Variants in POGZ observed in about 807,000 individuals in gnomAD.
POGZ encodes the protein pogo transposable element with ZNF domain.
POGZ carries 17 observed loss-of-function variants against 134.6 expected under a neutral mutation model. That is an observed-to-expected ratio of 0.13 (90% CI 0.09 to 0.19). POGZ has a LOEUF of 0.19. Among genes scored for constraint, POGZ ranks in the 10% least tolerant of loss-of-function variants. The pLI is 1.00. For missense variants in POGZ, 1,306 were observed against 1,769.7 expected (o/e 0.74, Z 4.70); for synonymous variants, 693 against 657.1 (o/e 1.05, Z -0.84).
intron 1 of POGZ, among the ~76,000 whole-genome samples, chr1:151,447,326 T>C (rs1485305346): frequency 6.6e-6 from 1 of 151,852 alleles, no homozygotes; most frequent in Non-Finnish European, 1.5e-5. Flanking sequence ...GAACCGAGAT[T>C]GTGCCACTGC....
chr1:151,417,707 C>CAA (rs1427844358), intron 10 of POGZ, among the ~76,000 whole-genome samples: 1 of 150,318 alleles, frequency 6.7e-6, no homozygotes, highest in African/African-American at 2.5e-5. Flanking sequence ...CACACACACA[C>CAA]ACACACACAC....
chr1:151,431,988 G>A (rs930445801), intron 3 of POGZ, among the ~76,000 whole-genome samples: 1 of 152,080 alleles, frequency 6.6e-6, no homozygotes, highest in African/African-American at 2.4e-5. Flanking sequence ...GGCCAACACA[G>A]CAAAACGCTG....
chr1:151,444,249 C>T (rs146664439), intron 1 of POGZ, among the ~76,000 whole-genome samples: 1 of 152,230 alleles, frequency 6.6e-6, no homozygotes, highest in East Asian at 1.9e-4. Context: ...TACTTAAATT[C>T]TCTTATTTTC....
intron 10 of POGZ, among the ~76,000 whole-genome samples, chr1:151,413,885 G>T (rs1411829295): frequency 6.6e-6 from 1 of 152,010 alleles, no homozygotes; most frequent in Non-Finnish European, 1.5e-5. Flanking sequence ...AAAAGCCAGG[G>T]GTTCTTAATC....
intron 7 of POGZ, chr1:151,425,289 C>A: frequency 2.6e-6 from 1 of 386,386 alleles, no homozygotes; most frequent in Non-Finnish European, 4.9e-6. Flanking sequence ...GCAGCCTTGA[C>A]CTCCCTGGGC....
chr1:151,424,848 C>A, intron 8 of POGZ, 107 bp downstream of exon 8: 1 of 650,948 alleles, frequency 1.5e-6, no homozygotes, highest in Non-Finnish European at 2.8e-6. Context: ...AACAGTAACC[C>A]TTTAAAAAGC....
chr1:151,453,617 T>C (rs182069731), intron 1 of POGZ, among the ~76,000 whole-genome samples: 81 of 152,302 alleles, frequency 5.3e-4, no homozygotes, highest in Admixed American at 5.2e-3. Flanking sequence ...CTCTATTTTG[T>C]AGTAATTGTA....
At chr1:151,433,004 A>G (rs749295988) in intron 3 of POGZ, among the ~76,000 whole-genome samples, 1 of 152,214 alleles carries the variant, frequency 6.6e-6, no homozygotes, top group Non-Finnish European at 1.5e-5. Context: ...AATATTGACT[A>G]AGCAAAAGTC....
At chr1:151,434,107 G>A (rs1659187629) in intron 3 of POGZ, among the ~76,000 whole-genome samples, 1 of 152,140 alleles carries the variant, frequency 6.6e-6, no homozygotes. Context: ...TCAAGAGTTT[G>A]AGACCAGCCT....
Position 151,423,524 on chromosome 1 carries a change from T to C in POGZ, c.1551A>G (p.Val517=). The C allele has an allele frequency of 6.2e-7, 1 of 1,613,900 alleles. No homozygotes were observed. The highest frequency in any genetic ancestry group is 8.5e-7 in the Non-Finnish European group (1 of 1,179,788). The change falls in exon 10 of 19, where the codon GTA becomes GTG. Residue 517 remains valine, a synonymous_variant. Transcript: ENST00000271715. ...CCTCACCGTTCTGCTGATCGAGTTC[T>C]ACGTGGTGTTTCATATGGTTCATGA... ...IRFMNHMKHH[V]ELDQQNGEVD... is the part of the protein sequence containing the mutation.
intron 3 of POGZ, chr1:151,440,704 A>T: frequency 2.9e-6 from 1 of 345,286 alleles, no homozygotes. Context: ...GCAAGAATCT[A>T]CTGCTCTCTC....
chr1:151,447,642 ATTTTTTTTTT>A (rs35308281), intron 1 of POGZ, among the ~76,000 whole-genome samples: 3 of 52,936 alleles, frequency 5.7e-5, no homozygotes, highest in Non-Finnish European at 1.1e-4. Context: ...TGTCTGGCTA[ATTTTTTTTTT>A]TTTTTTTTTT....
intron 10 of POGZ, among the ~76,000 whole-genome samples, chr1:151,416,251 G>GAA (rs71090163): frequency 1.5e-4 from 14 of 96,508 alleles, no homozygotes; most frequent in Non-Finnish European, 2.6e-4. Flanking sequence ...AGAAAGAAAA[G>GAA]AAAAAAAAAA....
chr1:151,440,118 T>C (rs538504918), intron 3 of POGZ, among the ~76,000 whole-genome samples: 2 of 151,880 alleles, frequency 1.3e-5, no homozygotes, highest in African/African-American at 2.4e-5. Flanking sequence ...AATAAATATA[T>C]GTACAGAATA....
At chr1:151,458,030 C>A (rs1050035109) in intron 1 of POGZ, among the ~76,000 whole-genome samples, 1 of 151,926 alleles carries the variant, frequency 6.6e-6, no homozygotes, top group Non-Finnish European at 1.5e-5. Context: ...TGCATCAAGA[C>A]GGCGGCTGCT....
chr1:151,458,826 G>A (rs1169614885), intron 1 of POGZ, among the ~76,000 whole-genome samples: 4 of 145,532 alleles, frequency 2.7e-5, no homozygotes, highest in Non-Finnish European at 6.1e-5. Flanking sequence ...CGCGCGCGCC[G>A]CGGCGGGCGC....
In POGZ at chr1:151,403,911, A is replaced by C. The variant is rs1653130192; in HGVS notation, c.*891T>G. The C allele has an allele frequency of 4.1e-6, 4 of 985,420 alleles. No individual in the cohort carries two copies. The South Asian group carries it at 1.9e-4, about 46-fold the overall frequency. The allele number at this position is 985,420 out of a possible 1,614,324, so 61.0% of individuals were successfully genotyped here. On this transcript the variant is annotated 3_prime_UTR_variant, in exon 19 of 19. Transcript: ENST00000271715. ...TCAAACTGGGAATGGCTTCCACCCT[A>C]AAACTGTTTGATCGCTTCAGTATCT...
chr1:151,457,549 G>A (rs1237920249), intron 1 of POGZ, among the ~76,000 whole-genome samples: 1 of 152,204 alleles, frequency 6.6e-6, no homozygotes, highest in Non-Finnish European at 1.5e-5. Context: ...CTGAGCAATA[G>A]TGTCTCAAAA....
Position 151,424,130 on chromosome 1 carries a change from T to C in POGZ, c.1342A>G (p.Thr448Ala), listed in dbSNP as rs998536884. 15 of 1,614,026 alleles carry C rather than the reference T, an allele frequency of 9.3e-6. No homozygotes were observed. Among genetic ancestry groups the C allele is most frequent in the East Asian group, 2.2e-5 (1 of 44,896 alleles). The change falls in exon 9 of 19, where the codon ACC becomes GCC. Residue 448 changes from threonine (T) to alanine (A), a missense_variant. Coordinates refer to ENST00000271715, the MANE Select transcript of POGZ (RefSeq NM_015100.4). ...STPIPALSPP[T>A]KVPEPNENVG... ...TTCTCATTTGGTTCTGGTACTTTGG[T>C]AGGCGGTGACAGAGCAGGAATAGGT... is the stretch of plus-strand genomic sequence containing the variant.
Sources: gnomAD v4.1 joint callset for allele counts (sites outside exome capture counted in the v4.1 genomes callset) on GRCh38, gnomAD v4.1.1 for gene constraint, MANE v1.5 for transcripts, NCBI Gene and HGNC (gene_info 2026-07-23, HGNC 2026-07-21) for gene names.